The following FAT3 variants were observed in gnomAD, a reference collection of about 807,000 sequenced individuals.
The protein encoded by FAT3 is protocadherin Fat 3.
In FAT3, 95 loss-of-function variants were observed where a neutral mutation model predicts 310.2. That is an observed-to-expected ratio of 0.31 (90% CI 0.26 to 0.36). The LOEUF (loss-of-function observed/expected upper bound fraction) is 0.36. Among genes scored for constraint, FAT3 ranks in the 10% least tolerant of loss-of-function variants. The pLI is 1.00. For synonymous variants in FAT3, 2,314 were observed against 2,192.9 expected (o/e 1.06, Z -1.54); for missense variants, 5,408 against 5,715.6 (o/e 0.95, Z 1.74).
At chr11:92,229,519 T>TTTTTTTTTTTTTTTC (rs1864079526) in intron 1 of FAT3, among the ~76,000 whole-genome samples, 1 of 130,822 alleles carries the variant, frequency 7.6e-6, no homozygotes. Flanking sequence ...TTTTTGTTTT[T>TTTTTTTTTTTTTTTC]TTTTACATTG....
intron 3 of FAT3, among the ~76,000 whole-genome samples, chr11:92,631,822 G>A (rs1941570401): frequency 6.6e-6 from 1 of 152,110 alleles, no homozygotes; most frequent in Non-Finnish European, 1.5e-5. Flanking sequence ...AGAGCACTGA[G>A]CGCCTTGTCC....
chr11:92,262,792 T>C (rs1278906513), intron 1 of FAT3, among the ~76,000 whole-genome samples: 1 of 152,096 alleles, frequency 6.6e-6, no homozygotes, highest in Non-Finnish European at 1.5e-5. Context: ...GGGTTGACAA[T>C]GCCCATGTGT....
At chr11:92,528,653 T>TG (rs11450594) in intron 3 of FAT3, among the ~76,000 whole-genome samples, 10,598 of 152,230 alleles carry the variant, frequency 0.07, 457 homozygotes, top group African/African-American at 0.1. Context: ...CCCAAAGTGC[T>TG]GGATTACAGG....
chr11:92,840,765 G>A lies in FAT3; in HGVS notation c.10566+6G>A, dbSNP rs770039012. The A allele has an allele frequency of 1.9e-6, 3 of 1,554,074 alleles. No individual in the cohort carries two copies. Among genetic ancestry groups the A allele is most frequent in the East Asian group, 2.3e-5 (1 of 43,696 alleles). Reference sequence around the variant, plus strand: ...AATACGTGTTGTGTGTCCAGGTATGGCATCGCACTCTGTCTCCGTCGTGCT... The same window carrying A: ...AATACGTGTTGTGTGTCCAGGTATGACATCGCACTCTGTCTCCGTCGTGCT... On this transcript the variant is annotated splice_donor_region_variant and intron_variant, in intron 18 of 27. Coordinates refer to ENST00000525166, the MANE Select transcript of FAT3 (RefSeq NM_001367949.2).
chr11:92,745,582 G>GAAAAAA (rs58851230), intron 4 of FAT3, among the ~76,000 whole-genome samples: 1 of 122,978 alleles, frequency 8.1e-6, no homozygotes, highest in African/African-American at 3.0e-5. Context: ...TCTCTGCAGG[G>GAAAAAA]AAAAAAAAAA....
At chr11:92,413,806 A>G (rs1352424073) in intron 2 of FAT3, among the ~76,000 whole-genome samples, 1 of 152,210 alleles carries the variant, frequency 6.6e-6, no homozygotes, top group Non-Finnish European at 1.5e-5. Context: ...ATATATGTTG[A>G]CAGGCGGGAG....
At chr11:92,463,192 G>A (rs1183495194) in intron 2 of FAT3, among the ~76,000 whole-genome samples, 1 of 152,196 alleles carries the variant, frequency 6.6e-6, no homozygotes, top group Non-Finnish European at 1.5e-5. Context: ...CTAATAATGT[G>A]TGGTATTGAC....
At chr11:92,556,486 C>T (rs1955022869) in intron 3 of FAT3, among the ~76,000 whole-genome samples, 1 of 152,152 alleles carries the variant, frequency 6.6e-6, no homozygotes, top group Non-Finnish European at 1.5e-5. Context: ...ACTGAATTCT[C>T]ATAATCCTTT....
chr11:92,858,617 A>G (rs536793136), intron 20 of FAT3, among the ~76,000 whole-genome samples: 2 of 152,236 alleles, frequency 1.3e-5, no homozygotes, highest in Non-Finnish European at 2.9e-5. Context: ...CTCGAAATTA[A>G]TGGCCAGAAA....
intron 2 of FAT3, among the ~76,000 whole-genome samples, chr11:92,522,256 C>A (rs758739563): frequency 4.2e-4 from 64 of 152,230 alleles, no homozygotes; most frequent in South Asian, 1.5e-3. Flanking sequence ...ACCTGGGTGG[C>A]ACCTCATGGC....
In FAT3 at chr11:92,466,350, A is replaced by G. The variant is rs574592309; in HGVS notation, c.3293-58284A>G. ...TAGTTAAACCAGGAAGTGGAAACGG[A>G]AAATGGAAAACAAGCAATCAAAGAC... On this transcript the variant is annotated intron_variant, in intron 2 of 27. Coordinates refer to ENST00000525166, the MANE Select transcript of FAT3 (RefSeq NM_001367949.2). Among the ~76,000 whole-genome samples, 23 of 152,276 alleles carry G rather than the reference A, an allele frequency of 1.5e-4. No homozygotes were observed. The East Asian group carries it at 4.4e-3, about 29-fold the overall frequency.
At chr11:92,362,346 A>C (rs1433462886) in intron 2 of FAT3, among the ~76,000 whole-genome samples, 1 of 152,212 alleles carries the variant, frequency 6.6e-6, no homozygotes, top group Non-Finnish European at 1.5e-5. Flanking sequence ...TAACTTTATA[A>C]TCGTGTTCAG....
intron 3 of FAT3, among the ~76,000 whole-genome samples, chr11:92,591,083 C>T (rs1178104556): frequency 6.6e-6 from 1 of 152,034 alleles, no homozygotes; most frequent in Non-Finnish European, 1.5e-5. Flanking sequence ...GATGGGGTCT[C>T]AAAAATGCTA....
intron 13 of FAT3, among the ~76,000 whole-genome samples, chr11:92,828,358 T>C (rs1331240301): frequency 6.6e-6 from 1 of 152,090 alleles, no homozygotes; most frequent in East Asian, 1.9e-4. Flanking sequence ...TCCATTGCAA[T>C]TGTGTCTAAA....
At chr11:92,776,618 T>C (rs1475586557) in intron 7 of FAT3, among the ~76,000 whole-genome samples, 1 of 152,222 alleles carries the variant, frequency 6.6e-6, no homozygotes, top group East Asian at 1.9e-4. Flanking sequence ...TTATTTTATT[T>C]GTGGCTAGTA....
intron 1 of FAT3, among the ~76,000 whole-genome samples, chr11:92,231,699 A>T (rs113655803): frequency 9.2e-5 from 14 of 152,334 alleles, no homozygotes; most frequent in African/African-American, 3.4e-4. Context: ...TAATGCTACT[A>T]AATATCATTG....
At chr11:92,547,798 G>T (rs1263367891) in intron 3 of FAT3, among the ~76,000 whole-genome samples, 1 of 152,112 alleles carries the variant, frequency 6.6e-6, no homozygotes, top group Non-Finnish European at 1.5e-5. Context: ...GACCCACTTG[G>T]CCCTGAAACA....
intron 2 of FAT3, among the ~76,000 whole-genome samples, chr11:92,373,751 G>A (rs1949259202): frequency 6.9e-6 from 1 of 144,738 alleles, no homozygotes; most frequent in Non-Finnish European, 1.5e-5. Context: ...AACCAGTGGA[G>A]ATATGTATGC....
At chr11:92,315,473 GTGTGTGTA>G (rs1947416640) in intron 1 of FAT3, among the ~76,000 whole-genome samples, 2 of 79,192 alleles carry the variant, frequency 2.5e-5, no homozygotes, top group Non-Finnish European at 4.4e-5. Context: ...GTGTGTGTGT[GTGTGTGTA>G]TATATATATA....
Sources: gnomAD v4.1 joint callset for allele counts (sites outside exome capture counted in the v4.1 genomes callset) on GRCh38, gnomAD v4.1.1 for gene constraint, MANE v1.5 for transcripts, NCBI Gene and HGNC (gene_info 2026-07-23, HGNC 2026-07-21) for gene names.